Variants in DTWD2 observed in about 807,000 individuals in gnomAD.
The protein encoded by DTWD2 is DTW motif tRNA-uridine aminocarboxypropyltransferase 2, also known as tRNA-uridine aminocarboxypropyltransferase 2.
DTWD2 carries 39 observed loss-of-function variants against 31.8 expected under a neutral mutation model. The ratio of observed to expected loss-of-function variants is 1.22; its 90% CI spans 0.95 to 1.60. The LOEUF (loss-of-function observed/expected upper bound fraction) is 1.60, where lower values mean the gene tolerates loss of function less well. Ranked by LOEUF, DTWD2 falls within the 40% of genes most tolerant of loss-of-function variation. The pLI, the probability that DTWD2 is intolerant of heterozygous loss-of-function variation, is 0.00. For synonymous variants in DTWD2, 180 were observed against 142.8 expected, an observed-to-expected ratio of 1.26 and a Z score of -1.86; for missense variants, 515 against 381.5, an observed-to-expected ratio of 1.35 and a Z score of -2.92.
intron 4 of DTWD2, among the ~76,000 whole-genome samples, chr5:118,866,115 G>T (rs1014641349): frequency 7.2e-5 from 11 of 151,858 alleles, no homozygotes; most frequent in African/African-American, 2.7e-4. Flanking sequence ...GAACAACCAG[G>T]CATGAAAGTT....
At chr5:118,967,760 A>C (rs1754886625) in intron 1 of DTWD2, among the ~76,000 whole-genome samples, 1 of 152,256 alleles carries the variant, frequency 6.6e-6, no homozygotes, top group Admixed American at 6.5e-5. Flanking sequence ...CCAATCAATA[A>C]ATGTAGAAAG....
intron 3 of DTWD2, among the ~76,000 whole-genome samples, chr5:118,930,543 A>G (rs1417951322): frequency 6.6e-6 from 1 of 152,028 alleles, no homozygotes; most frequent in African/African-American, 2.4e-5. Context: ...AACCAGAGGA[A>G]AAAAAAAGAA....
intron 4 of DTWD2, among the ~76,000 whole-genome samples, chr5:118,851,643 A>T (rs149481115): frequency 0.015 from 2,182 of 143,050 alleles, 32 homozygotes; most frequent in South Asian, 0.077. Flanking sequence ...CGACAATGAG[A>T]ACACATGGAC....
intron 1 of DTWD2, among the ~76,000 whole-genome samples, chr5:118,949,887 G>C (rs182140143): frequency 6.6e-6 from 1 of 152,228 alleles, no homozygotes; most frequent in Non-Finnish European, 1.5e-5. Context: ...TGGGCACGTG[G>C]GGATAACTAA....
chr5:118,864,256 C>G (rs538105552), intron 4 of DTWD2, among the ~76,000 whole-genome samples: 1 of 150,002 alleles, frequency 6.7e-6, no homozygotes, highest in South Asian at 2.1e-4. Flanking sequence ...TGGAAATTAT[C>G]ATTCTCAGTA....
chr5:118,915,311 A>C (rs1402909897), intron 4 of DTWD2, among the ~76,000 whole-genome samples: 1 of 152,134 alleles, frequency 6.6e-6, no homozygotes, highest in East Asian at 1.9e-4. Context: ...CAGAAATAAA[A>C]ATAAGGATTC....
rs1271265460 is a variant in DTWD2 at position 118,839,661 on chromosome 5, C to T, written c.*1256G>A. The T allele has an allele frequency of 1.3e-5, 2 of 152,100 alleles. No individual in the cohort carries two copies. The highest frequency in any genetic ancestry group is 4.8e-5 in the African/African-American group (2 of 41,418). 9.4% of individuals were successfully genotyped at this position (152,100 alleles called of 1,614,324 possible). A position where few individuals can be genotyped will look rare whatever the true frequency, so the allele number is the denominator to read the frequency against. Reference sequence around the variant, plus strand: ...ACAGGTGTGAGCTAATGGGCCCAGCCCTAATTTGTTTTTAAATCCAAAAAT... The same window carrying T: ...ACAGGTGTGAGCTAATGGGCCCAGCTCTAATTTGTTTTTAAATCCAAAAAT... On this transcript the variant is annotated 3_prime_UTR_variant, in exon 6 of 6. Transcript: ENST00000510708.
At chr5:118,943,629 T>G (rs1754260809) in intron 2 of DTWD2, among the ~76,000 whole-genome samples, 1 of 151,770 alleles carries the variant, frequency 6.6e-6, no homozygotes, top group South Asian at 2.1e-4. Context: ...AGAAAAAATG[T>G]TTCAAGGCTG....
At chr5:118,887,303 T>A (rs1752888214) in intron 4 of DTWD2, among the ~76,000 whole-genome samples, 1 of 152,090 alleles carries the variant, frequency 6.6e-6, no homozygotes, top group Non-Finnish European at 1.5e-5. Context: ...CTCTATAGAG[T>A]GATTCACAGA....
At chr5:118,925,719 C>A (rs1307937108) in intron 4 of DTWD2, among the ~76,000 whole-genome samples, 1 of 151,606 alleles carries the variant, frequency 6.6e-6, no homozygotes, top group Admixed American at 6.6e-5. Flanking sequence ...GTGGCGGGTA[C>A]CTGTAGTCCC....
intron 4 of DTWD2, among the ~76,000 whole-genome samples, chr5:118,875,719 T>C (rs955308806): frequency 3.3e-5 from 5 of 152,154 alleles, no homozygotes; most frequent in African/African-American, 1.2e-4. Context: ...ATAAAGCAAG[T>C]TCTCAGAGAC....
intron 4 of DTWD2, among the ~76,000 whole-genome samples, chr5:118,881,793 C>T (rs1440160673): frequency 6.6e-6 from 1 of 152,148 alleles, no homozygotes; most frequent in Non-Finnish European, 1.5e-5. Context: ...ATGAGAATGG[C>T]AAGAGAAAAA....
At chr5:118,849,486 C>A (rs1294790206) in intron 4 of DTWD2, among the ~76,000 whole-genome samples, 1 of 152,114 alleles carries the variant, frequency 6.6e-6, no homozygotes, top group Non-Finnish European at 1.5e-5. Flanking sequence ...CAACGATCTA[C>A]AACCAGAAAC....
chr5:118,880,670 T>C (rs1404600016), intron 4 of DTWD2, among the ~76,000 whole-genome samples: 1 of 152,134 alleles, frequency 6.6e-6, no homozygotes, highest in Non-Finnish European at 1.5e-5. Context: ...CAAAAGGCTA[T>C]CAAACTAGTT....
At chr5:118,939,614 A>G (rs756915039) in intron 2 of DTWD2, among the ~76,000 whole-genome samples, 18 of 152,172 alleles carry the variant, frequency 1.2e-4, no homozygotes, top group Non-Finnish European at 2.2e-4. Flanking sequence ...CAAGTTTTTC[A>G]TTTCACAAGT....
chr5:118,954,447 C>A (rs546162745), intron 1 of DTWD2, among the ~76,000 whole-genome samples: 3 of 152,250 alleles, frequency 2.0e-5, no homozygotes, highest in Admixed American at 1.3e-4. Context: ...CTTAGCCTAC[C>A]TTTTTCACTG....
intron 1 of DTWD2, 65 bp from the exon 2 acceptor site, chr5:118,944,714 A>T: frequency 1.3e-6 from 2 of 1,484,566 alleles, no homozygotes; most frequent in East Asian, 2.4e-5. Context: ...ACAATTTTTT[A>T]AATGACCTTA....
chr5:118,883,174 A>C (rs1752780553), intron 4 of DTWD2, among the ~76,000 whole-genome samples: 1 of 152,096 alleles, frequency 6.6e-6, no homozygotes, highest in African/African-American at 2.4e-5. Flanking sequence ...GGGCAGGGAC[A>C]AAATTCAGCC....
intron 1 of DTWD2, among the ~76,000 whole-genome samples, chr5:118,947,040 CCTGAGCATCATGACAGG>C (rs746275825): frequency 6.6e-6 from 1 of 152,216 alleles, no homozygotes; most frequent in Non-Finnish European, 1.5e-5. Flanking sequence ...TTGACCCCTT[CCTGAGCATCATGACAGG>C]AGTGCCTGCC....
Sources: allele counts gnomAD v4.1 joint callset (sites outside exome capture counted in the v4.1 genomes callset), GRCh38; gene constraint gnomAD v4.1.1; transcripts MANE v1.5; gene names NCBI Gene and HGNC (gene_info 2026-07-23, HGNC 2026-07-21).